The following SORBS2 variants were observed in gnomAD, a reference collection of about 807,000 sequenced individuals.
SORBS2 encodes sorbin and SH3 domain-containing protein 2.
In SORBS2, 46 loss-of-function variants were observed where a neutral mutation model predicts 97.7. The observed-to-expected ratio is 0.47, with a 90% CI of 0.37 to 0.60. The LOEUF (loss-of-function observed/expected upper bound fraction) is 0.60, where lower values mean the gene tolerates loss of function less well. Ranked by LOEUF, SORBS2 falls within the 20% of genes least tolerant of loss-of-function variation. The probability of loss-of-function intolerance (pLI) is 0.00; values close to 1 mark genes in which losing one functional copy is unlikely to be tolerated. For synonymous variants in SORBS2, 476 were observed against 473.4 expected (o/e 1.01, Z -0.07); for missense variants, 1,316 against 1,282.3 (o/e 1.03, Z -0.40).
At chr4:185,594,821 C>A (rs1431731571) in intron 12 of SORBS2, among the ~76,000 whole-genome samples, 2 of 152,152 alleles carry the variant, frequency 1.3e-5, no homozygotes, top group Non-Finnish European at 2.9e-5. Context: ...GCAAACAAAT[C>A]ATTCATAATC....
intron 7 of SORBS2, among the ~76,000 whole-genome samples, chr4:185,622,422 A>G (rs1262841435): frequency 7.2e-5 from 11 of 152,258 alleles, no homozygotes; most frequent in Admixed American, 7.2e-4. Context: ...CTTTGTGTCC[A>G]TCAATTACTA....
chr4:185,718,793 G>A (rs28755896), intron 2 of SORBS2, among the ~76,000 whole-genome samples: 33,080 of 151,958 alleles, frequency 0.22, 4,220 homozygotes, highest in Non-Finnish European at 0.29. Context: ...CTGCTCCCTC[G>A]TTTGCAAAGT....
intron 1 of SORBS2, among the ~76,000 whole-genome samples, chr4:185,909,985 G>GAAAAAA (rs142443290): frequency 5.3e-5 from 6 of 112,660 alleles, no homozygotes; most frequent in Non-Finnish European, 7.2e-5. Context: ...CTCCATCTCA[G>GAAAAAA]AAAAAAAAAA....
At chr4:185,838,931 G>A (rs1004669776) in intron 1 of SORBS2, among the ~76,000 whole-genome samples, 1 of 152,106 alleles carries the variant, frequency 6.6e-6, no homozygotes, top group Admixed American at 6.5e-5. Context: ...GGGTTCTCAC[G>A]GTGTTTATTT....
chr4:185,783,652 G>A (rs1379504733), intron 1 of SORBS2, among the ~76,000 whole-genome samples: 1 of 152,188 alleles, frequency 6.6e-6, no homozygotes, highest in East Asian at 1.9e-4. Context: ...CAGACCCTCG[G>A]GGTAAGCAGA....
chr4:185,662,336 G>T, intron 4 of SORBS2, 94 bp from the exon 8 acceptor site: 2 of 1,252,796 alleles, frequency 1.6e-6, no homozygotes, highest in Non-Finnish European at 2.2e-6. Flanking sequence ...CCAATCACAT[G>T]AGAGTAATCA....
chr4:185,784,446 C>G (rs1201691886), intron 1 of SORBS2, among the ~76,000 whole-genome samples: 1 of 152,152 alleles, frequency 6.6e-6, no homozygotes, highest in Non-Finnish European at 1.5e-5. Context: ...TTCTTTCTAA[C>G]CTTGTTCTGC....
At chr4:185,739,672 A>C (rs1373251512) in intron 2 of SORBS2, among the ~76,000 whole-genome samples, 1 of 152,154 alleles carries the variant, frequency 6.6e-6, no homozygotes, top group African/African-American at 2.4e-5. Flanking sequence ...CACTCTTTTT[A>C]AAATCTAAAA....
chr4:185,702,923 C>T (rs1357934628), intron 2 of SORBS2, among the ~76,000 whole-genome samples: 2 of 152,002 alleles, frequency 1.3e-5, no homozygotes, highest in South Asian at 4.1e-4. Context: ...ACATATCAAG[C>T]AGAAACTAAC....
intron 2 of SORBS2, among the ~76,000 whole-genome samples, chr4:185,754,445 C>T (rs1428892748): frequency 6.6e-6 from 1 of 152,088 alleles, no homozygotes; most frequent in Non-Finnish European, 1.5e-5. Context: ...ATATAACAAA[C>T]CTGCACATGT....
rs554684515 is a variant in SORBS2, at chr4:185,776,824, C to T, written c.-337-1458G>A. On this transcript the variant is annotated intron_variant, in intron 1 of 20. Transcript: ENST00000284776. Reference sequence around the variant, plus strand: ...CTGAGGCAGGAGAATCGCTTGAAGCCGGGAGGTGGAGGTTGCGGTGAGCTG... The same window carrying T: ...CTGAGGCAGGAGAATCGCTTGAAGCTGGGAGGTGGAGGTTGCGGTGAGCTG... 7.5e-5 allele frequency among the ~76,000 whole-genome samples: 11 copies of T among 147,096 alleles called. No homozygotes were observed. In the East Asian group the frequency reaches 1.0e-3, roughly 13 times the overall value.
At chr4:185,605,538 G>T (rs981430812) in intron 12 of SORBS2, among the ~76,000 whole-genome samples, 1 of 151,784 alleles carries the variant, frequency 6.6e-6, no homozygotes, top group Non-Finnish European at 1.5e-5. Flanking sequence ...CCAGCCTTGG[G>T]CTCCCAAAGT....
chr4:185,646,864 C>A, intron 3 of SORBS2, 82 bp from the exon 13 acceptor site: 1 of 817,212 alleles, frequency 1.2e-6, no homozygotes, highest in Non-Finnish European at 2.1e-6. Flanking sequence ...CTGTTTTCAA[C>A]ATTACTTTTA....
At chr4:185,836,675 A>C (rs568803802) in intron 1 of SORBS2, among the ~76,000 whole-genome samples, 1 of 152,306 alleles carries the variant, frequency 6.6e-6, no homozygotes, top group East Asian at 1.9e-4. Context: ...TCTCTATTCA[A>C]ACCCAGCTCA....
intron 1 of SORBS2, among the ~76,000 whole-genome samples, chr4:185,906,040 C>A (rs2099250609): frequency 6.6e-6 from 1 of 152,036 alleles, no homozygotes; most frequent in African/African-American, 2.4e-5. Context: ...GGTCCACTCC[C>A]ATTTTTTTTT....
chr4:185,768,929 A>T (rs1002838430), intron 2 of SORBS2, among the ~76,000 whole-genome samples: 1 of 152,228 alleles, frequency 6.6e-6, no homozygotes, highest in Non-Finnish European at 1.5e-5. Context: ...GTGGCCAATA[A>T]GGTCACATTC....
intron 4 of SORBS2, among the ~76,000 whole-genome samples, chr4:185,664,309 A>C (rs2097566443): frequency 6.6e-6 from 1 of 152,230 alleles, no homozygotes; most frequent in Non-Finnish European, 1.5e-5. Flanking sequence ...GATAATTGCA[A>C]TTAATTTCCC....
chr4:185,704,688 A>AG (rs2098316212), intron 2 of SORBS2, among the ~76,000 whole-genome samples: 1 of 152,112 alleles, frequency 6.6e-6, no homozygotes, highest in African/African-American at 2.4e-5. Flanking sequence ...ATTACCCTGG[A>AG]TGTTCCCTCT....
intron 2 of SORBS2, among the ~76,000 whole-genome samples, chr4:185,762,448 T>TA (rs1251799126): frequency 2.6e-5 from 4 of 151,456 alleles, no homozygotes; most frequent in African/African-American, 9.7e-5. Flanking sequence ...TACAGAGATT[T>TA]AGACGAGAGG....
Sources: gnomAD v4.1 joint callset for allele counts (sites outside exome capture counted in the v4.1 genomes callset) on GRCh38, gnomAD v4.1.1 for gene constraint, MANE v1.5 for transcripts, NCBI Gene and HGNC (gene_info 2026-07-23, HGNC 2026-07-21) for gene names.